AXL: variants seen among roughly 807,000 people sequenced by gnomAD.
AXL encodes the protein tyrosine-protein kinase receptor UFO.
A neutral mutation model predicts 104.5 loss-of-function variants in AXL; 52 were observed. The observed-to-expected ratio is 0.50, with a 90% CI of 0.40 to 0.63. The LOEUF is 0.63. Ranked by LOEUF, AXL falls within the 20% of genes least tolerant of loss-of-function variation. AXL has a pLI of 0.00. For synonymous variants in AXL, 455 were observed against 473.7 expected (o/e 0.96, Z 0.51); for missense variants, 1,024 against 1,188.5 (o/e 0.86, Z 2.04).
chr19:41,253,775 CCTT>C (rs1408405194), intron 17 of AXL, 67 bp downstream of exon 17: 3 of 1,293,822 alleles, frequency 2.3e-6, no homozygotes, highest in African/African-American at 2.9e-5. Context: ...TTCCCTCCCT[CCTT>C]CTTAGGATGG....
chr19:41,225,373 T>C (rs2033861595), intron 4 of AXL, among the ~76,000 whole-genome samples: 1 of 152,188 alleles, frequency 6.6e-6, no homozygotes, highest in Non-Finnish European at 1.5e-5. Flanking sequence ...CTCCATCTTA[T>C]GGCGTAGATG....
intron 14 of AXL, among the ~76,000 whole-genome samples, chr19:41,251,985 C>T (rs1259671666): frequency 1.3e-5 from 2 of 149,146 alleles, no homozygotes; most frequent in Admixed American, 6.7e-5. Flanking sequence ...TGGTGGCACA[C>T]GCCTGTAGTC....
In AXL at chr19:41,259,915, C is replaced by T. The variant is rs777892577; in HGVS notation, c.*11C>T. 4.5e-6 allele frequency: 7 copies of T among 1,540,640 alleles called. No individual in the cohort carries two copies. The Admixed American group carries it at 1.2e-4, about 27-fold the overall frequency. On this transcript the variant is annotated 3_prime_UTR_variant, in exon 20 of 20. Transcript: ENST00000301178. ...GAGGATGGTGCCTGAGACAACCCTC[C>T]ACCTGGTACTCCCTCTCAGGATCCA...
Position 41,220,830 on chromosome 19 carries a change from G to T in AXL, c.280G>T (p.Asp94Tyr). 6.2e-7 allele frequency: 1 copy of T among 1,614,102 alleles called. No homozygotes were observed. Among genetic ancestry groups the T allele is most frequent in the Non-Finnish European group, 8.5e-7 (1 of 1,179,998 alleles). Residue 94 changes from aspartate (D) to tyrosine (Y), a missense_variant, in exon 2 of 20, where the codon GAT becomes TAT. Asp to Tyr is a radical substitution (Grantham distance 160, BLOSUM62 -3). Around this residue, in one of 5 missense-constraint regions of AXL, gnomAD observed 41 missense variants for 76.2 expected, o/e 0.54. Coordinates refer to ENST00000301178, the MANE Select transcript of AXL (RefSeq NM_021913.5). ...TQVPLGEDEQ[D>Y]DWIVVSQLRI... is the part of the protein sequence containing the mutation. ...GGTGCCCCTGGGTGAGGATGAACAGGATGACTGGATAGTGGTCAGCCAGCT... is the reference window on the plus strand; with the variant it reads ...GGTGCCCCTGGGTGAGGATGAACAGTATGACTGGATAGTGGTCAGCCAGCT...
chr19:41,244,168 G>A (rs1188581091), intron 12 of AXL, among the ~76,000 whole-genome samples: 1 of 151,886 alleles, frequency 6.6e-6, no homozygotes, highest in East Asian at 1.9e-4. Context: ...TCACACCACT[G>A]CACTCCAGCC....
At chr19:41,228,891 G>T (rs939969335) in intron 4 of AXL, among the ~76,000 whole-genome samples, 2 of 152,200 alleles carry the variant, frequency 1.3e-5, no homozygotes, top group Non-Finnish European at 2.9e-5. Context: ...GATTTGGAGA[G>T]GAAGCTCCAA....
At chr19:41,258,663 G>A (rs12461203) in intron 19 of AXL, among the ~76,000 whole-genome samples, 3 of 152,068 alleles carry the variant, frequency 2.0e-5, no homozygotes, top group African/African-American at 4.8e-5. Flanking sequence ...TGATCCACCC[G>A]TCCCAGCCTC....
At chr19:41,249,933 G>A (rs564054005) in intron 14 of AXL, among the ~76,000 whole-genome samples, 64 of 152,208 alleles carry the variant, frequency 4.2e-4, no homozygotes, top group African/African-American at 1.5e-3. Flanking sequence ...AAACCACTAG[G>A]AAAGGGAGCC....
chr19:41,243,164 A>G (rs1448287945), intron 11 of AXL, 149 bp downstream of exon 11: 3 of 1,182,482 alleles, frequency 2.5e-6, no homozygotes, highest in Non-Finnish European at 3.5e-6. Flanking sequence ...CACGCCTGTA[A>G]TCCCAGCACT....
rs979916017 is a variant in AXL at position 41,221,227 on chromosome 19, T to C, written c.390T>C (p.Pro130=). 3 of 1,613,846 alleles carry C rather than the reference T, an allele frequency of 1.9e-6. No individual in the cohort carries two copies. The African/African-American group carries it at 4.0e-5, about 22-fold the overall frequency. ...GACATCAGACCTTCGTGTCCCAGCCTGGCTATGTTGGGCTGGAGGGTGAGC... is the reference window on the plus strand; with the variant it reads ...GACATCAGACCTTCGTGTCCCAGCCCGGCTATGTTGGGCTGGAGGGTGAGC... ...FLGHQTFVSQ[P]GYVGLEGLPY... The change falls in exon 3 of 20, where the codon CCT becomes CCC. Residue 130 remains proline (P), a synonymous_variant. Transcript: ENST00000301178.
chr19:41,239,535 G>C (rs77333013), intron 9 of AXL, among the ~76,000 whole-genome samples, 159 bp from the exon 10 acceptor site: 46 of 150,664 alleles, frequency 3.1e-4, no homozygotes, highest in Non-Finnish European at 1.3e-4. Context: ...TCCCTTACCC[G>C]TGCCACACCC....
At chr19:41,224,027 A>G (rs980198643) in intron 4 of AXL, among the ~76,000 whole-genome samples, 3 of 151,170 alleles carry the variant, frequency 2.0e-5, no homozygotes, top group African/African-American at 7.3e-5. Context: ...TTCTGTCCCA[A>G]TATGTGTTTG....
chr19:41,259,774 G>A lies in AXL; in HGVS notation c.2555G>A (p.Cys852Tyr), dbSNP rs2122299022. ...PPTQPDPKDS[C>Y]SCLTAAEVHP... ...ACCCAGCCAGACCCTAAGGATTCCTGTAGCTGCCTCACTGCGGCTGAGGTC... is the reference window on the plus strand; with the variant it reads ...ACCCAGCCAGACCCTAAGGATTCCTATAGCTGCCTCACTGCGGCTGAGGTC... Residue 852 changes from cysteine (C) to tyrosine (Y), a missense_variant, in exon 20 of 20, where the codon TGT becomes TAT. Physicochemically the swap from Cys to Tyr is radical, Grantham distance 194. This residue lies in a region of AXL where 523 missense variants were observed against 636.0 expected (regional missense o/e 0.82). Coordinates refer to ENST00000301178, the MANE Select transcript of AXL (RefSeq NM_021913.5). The A allele has an allele frequency of 1.2e-6, 2 of 1,614,086 alleles. No individual in the cohort carries two copies. Among genetic ancestry groups the A allele is most frequent in the Admixed American group, 1.7e-5 (1 of 60,006 alleles).
chr19:41,221,778 C>A, intron 3 of AXL, 102 bp from the exon 4 acceptor site: 1 of 1,298,366 alleles, frequency 7.7e-7, no homozygotes, highest in Non-Finnish European at 1.0e-6. Context: ...AATGACCCTG[C>A]AGGGTGGGTT....
chr19:41,237,542 C>G (rs567588644), intron 6 of AXL, among the ~76,000 whole-genome samples: 3 of 152,164 alleles, frequency 2.0e-5, no homozygotes, highest in Non-Finnish European at 2.9e-5. Context: ...CGTGCCCAGT[C>G]TATTTGCGTT....
At chr19:41,222,854 C>T (rs1481655472) in intron 4 of AXL, among the ~76,000 whole-genome samples, 12 of 146,832 alleles carry the variant, frequency 8.2e-5, no homozygotes, top group African/African-American at 2.5e-4. Flanking sequence ...TGCAGTGAGC[C>T]GAGATTGCGC....
intron 19 of AXL, among the ~76,000 whole-genome samples, chr19:41,259,200 G>T (rs1471305623): frequency 1.3e-5 from 2 of 152,184 alleles, no homozygotes; most frequent in Non-Finnish European, 2.9e-5. Context: ...GAGGGTCAAA[G>T]AATTTATGGA....
intron 1 of AXL, among the ~76,000 whole-genome samples, chr19:41,220,240 A>C (rs2033762690): frequency 4.1e-5 from 4 of 98,554 alleles, no homozygotes; most frequent in Admixed American, 9.0e-5. Context: ...CACCACCCTT[A>C]TCTCCCCCCA....
At chr19:41,250,657 G>T (rs1280626854) in intron 14 of AXL, among the ~76,000 whole-genome samples, 1 of 152,160 alleles carries the variant, frequency 6.6e-6, no homozygotes, top group African/African-American at 2.4e-5. Flanking sequence ...TGGCCAGGAT[G>T]GTCTCTATCT....
Sources: allele counts gnomAD v4.1 joint callset (sites outside exome capture counted in the v4.1 genomes callset), GRCh38; gene constraint gnomAD v4.1.1; regional missense constraint gnomAD v4.1.1; transcripts MANE v1.5; gene names NCBI Gene and HGNC (gene_info 2026-07-23, HGNC 2026-07-21).